The following CA10 variants were observed in gnomAD, a reference collection of about 807,000 sequenced individuals.
The protein encoded by CA10 is carbonic anhydrase 10 (inactive), also known as carbonic anhydrase-related protein 10.
In CA10, 14 loss-of-function variants were observed where a neutral mutation model predicts 44.2. The observed-to-expected ratio is 0.32, with a 90% confidence interval of 0.21 to 0.50. The LOEUF (loss-of-function observed/expected upper bound fraction) is 0.50, where lower values mean the gene tolerates loss of function less well. CA10 is among the 20% of genes least tolerant of loss of function. The pLI, the probability that CA10 is intolerant of heterozygous loss-of-function variation, is 0.99. For synonymous variants in CA10, 159 were observed against 141.6 expected (o/e 1.12, Z -0.87); for missense variants, 350 against 409.7 (o/e 0.85, Z 1.26).
At chr17:51,784,564 T>A (rs1456504730) in intron 3 of CA10, among the ~76,000 whole-genome samples, 1 of 152,212 alleles carries the variant, frequency 6.6e-6, no homozygotes, top group African/African-American at 2.4e-5. Flanking sequence ...TCAACCTCCA[T>A]GAGAACAACT....
intron 4 of CA10, among the ~76,000 whole-genome samples, chr17:51,743,888 A>G (rs1436740655): frequency 6.6e-6 from 1 of 152,364 alleles, no homozygotes; most frequent in East Asian, 1.9e-4. Flanking sequence ...ATCTACCCAC[A>G]TAACAAACCT....
At chr17:51,905,755 C>G (rs1167246522) in intron 3 of CA10, among the ~76,000 whole-genome samples, 1 of 152,044 alleles carries the variant, frequency 6.6e-6, no homozygotes, top group African/African-American at 2.4e-5. Flanking sequence ...CTAGTCAACT[C>G]ACGCTCCCAC....
At chr17:51,866,379 C>T (rs1313850484) in intron 3 of CA10, among the ~76,000 whole-genome samples, 1 of 152,250 alleles carries the variant, frequency 6.6e-6, no homozygotes, top group Non-Finnish European at 1.5e-5. Flanking sequence ...CCTAAACCTC[C>T]TTGCCACTTT....
chr17:51,711,337 T>C (rs1915937474), intron 4 of CA10, among the ~76,000 whole-genome samples: 1 of 152,206 alleles, frequency 6.6e-6, no homozygotes, highest in Non-Finnish European at 1.5e-5. Flanking sequence ...TGTATTTTAG[T>C]AGTCCTGAAT....
intron 1 of CA10, among the ~76,000 whole-genome samples, chr17:52,151,138 C>T (rs1732143829): frequency 6.6e-6 from 1 of 152,024 alleles, no homozygotes; most frequent in Non-Finnish European, 1.5e-5. Flanking sequence ...TTTTCCTTAG[C>T]TCCCCATTAG....
At position 52,044,757 on chromosome 17, in the gene CA10, C is replaced by G. The variant is rs545533085; in HGVS notation, c.136+27562G>C. ...AGAAAAGATCTTGAACTAGAAGAAACAGCAACAGAAACTATTAAAGTGCAA... is the reference window on the plus strand; with the variant it reads ...AGAAAAGATCTTGAACTAGAAGAAAGAGCAACAGAAACTATTAAAGTGCAA... On this transcript the variant is annotated intron_variant, in intron 2 of 8. Coordinates refer to ENST00000451037, the MANE Select transcript of CA10 (RefSeq NM_020178.5). 9.1e-5 allele frequency among the ~76,000 whole-genome samples: 6 copies of G among 66,178 alleles called. No homozygotes were observed. The South Asian group carries it at 4.4e-3, about 49-fold the overall frequency. 43.4% of individuals were successfully genotyped at this position (66,178 alleles called of 152,430 possible).
chr17:51,836,483 G>A (rs1326088899), intron 3 of CA10, among the ~76,000 whole-genome samples: 1 of 152,216 alleles, frequency 6.6e-6, no homozygotes, highest in Non-Finnish European at 1.5e-5. Flanking sequence ...GGCAGCCATG[G>A]CCAAGCTGTC....
chr17:51,955,857 T>C (rs1353361027), intron 2 of CA10, among the ~76,000 whole-genome samples: 1 of 151,526 alleles, frequency 6.6e-6, no homozygotes, highest in Admixed American at 6.6e-5. Context: ...GGGAGAGCAT[T>C]AGGACAAATA....
At chr17:51,654,639 C>T (rs906474509) in intron 4 of CA10, among the ~76,000 whole-genome samples, 3 of 151,802 alleles carry the variant, frequency 2.0e-5, no homozygotes, top group African/African-American at 7.3e-5. Context: ...TCACTGCAAC[C>T]TCCGCCTCCC....
At chr17:51,975,831 G>A (rs1234091014) in intron 2 of CA10, among the ~76,000 whole-genome samples, 3 of 136,392 alleles carry the variant, frequency 2.2e-5, no homozygotes, top group Non-Finnish European at 4.6e-5. Flanking sequence ...AGGTCGCGCC[G>A]CTGCACTCCA....
intron 2 of CA10, among the ~76,000 whole-genome samples, chr17:52,027,044 C>A (rs547115341): frequency 1.3e-5 from 2 of 152,098 alleles, no homozygotes; most frequent in South Asian, 4.2e-4. Context: ...AATGTAGAAT[C>A]AATGGGAGTC....
At chr17:51,880,754 A>G (rs1299008007) in intron 3 of CA10, among the ~76,000 whole-genome samples, 1 of 152,194 alleles carries the variant, frequency 6.6e-6, no homozygotes, top group Non-Finnish European at 1.5e-5. Flanking sequence ...TCAGTAATAA[A>G]AAAAAATAAG....
chr17:51,844,594 G>A (rs1437868954), intron 3 of CA10, among the ~76,000 whole-genome samples: 1 of 152,186 alleles, frequency 6.6e-6, no homozygotes, highest in East Asian at 1.9e-4. Flanking sequence ...TGGAATGTCT[G>A]TAAATATTCT....
chr17:52,104,497 C>T (rs1446679408), intron 1 of CA10, among the ~76,000 whole-genome samples: 1 of 152,058 alleles, frequency 6.6e-6, no homozygotes, highest in African/African-American at 2.4e-5. Flanking sequence ...AGCCACTGTG[C>T]CTGGCCCTCC....
chr17:51,670,494 T>A (rs1361441199), intron 4 of CA10, among the ~76,000 whole-genome samples: 1 of 152,070 alleles, frequency 6.6e-6, no homozygotes, highest in Admixed American at 6.5e-5. Context: ...TTCCTTTTTT[T>A]TTTTTCCCCC....
chr17:52,088,921 T>C (rs1420121521), intron 1 of CA10, among the ~76,000 whole-genome samples: 1 of 152,212 alleles, frequency 6.6e-6, no homozygotes, highest in Non-Finnish European at 1.5e-5. Flanking sequence ...AAATACACTA[T>C]AGATTATATA....
At chr17:52,067,087 G>A (rs904505370) in intron 2 of CA10, among the ~76,000 whole-genome samples, 1 of 152,216 alleles carries the variant, frequency 6.6e-6, no homozygotes, top group Non-Finnish European at 1.5e-5. Flanking sequence ...TGCATAAGGA[G>A]CCAAATTTTA....
chr17:51,741,066 A>G (rs1904441443), intron 4 of CA10, among the ~76,000 whole-genome samples: 1 of 152,232 alleles, frequency 6.6e-6, no homozygotes, highest in African/African-American at 2.4e-5. Flanking sequence ...TATTCACTGT[A>G]GCACATAATA....
intron 3 of CA10, among the ~76,000 whole-genome samples, chr17:51,856,478 C>A (rs1979050767): frequency 1.3e-5 from 2 of 152,048 alleles, no homozygotes; most frequent in African/African-American, 2.4e-5. Flanking sequence ...AAGTAAGTGG[C>A]CGCCAAGGAG....
Sources: allele counts gnomAD v4.1 joint callset (sites outside exome capture counted in the v4.1 genomes callset), GRCh38; gene constraint gnomAD v4.1.1; transcripts MANE v1.5; gene names NCBI Gene and HGNC (gene_info 2026-07-23, HGNC 2026-07-21).